C3orf33: variants seen among roughly 807,000 people sequenced by gnomAD.
C3orf33 encodes the protein AP-1 activity suppressor.
Under a neutral mutation model 28.7 loss-of-function variants are expected in C3orf33, and 23 were observed. The ratio of observed to expected loss-of-function variants is 0.80; its 90% CI spans 0.58 to 1.13. C3orf33 has a LOEUF of 1.13. Among genes scored for constraint, C3orf33 ranks in the 50% most tolerant of loss-of-function variants. C3orf33 has a pLI of 0.00. For synonymous variants in C3orf33, 119 were observed against 120.5 expected, an observed-to-expected ratio of 0.99 and a Z score of 0.08; for missense variants, 327 against 353.4, an observed-to-expected ratio of 0.93 and a Z score of 0.60.
chr3:155,805,298 A>G (rs1410335030), intron 1 of C3orf33, among the ~76,000 whole-genome samples: 1 of 150,292 alleles, frequency 6.7e-6, no homozygotes, highest in Non-Finnish European at 1.5e-5. Context: ...CCTTGCCTCT[A>G]CAAACAAAAA....
chr3:155,801,511 T>TA (rs1421501513), intron 2 of C3orf33, among the ~76,000 whole-genome samples: 4 of 152,106 alleles, frequency 2.6e-5, no homozygotes, highest in Non-Finnish European at 5.9e-5. Context: ...CAAAATGTGA[T>TA]ATACACTTAC....
intron 1 of C3orf33, among the ~76,000 whole-genome samples, chr3:155,804,594 T>G (rs1027229996): frequency 1.3e-4 from 20 of 152,228 alleles, no homozygotes; most frequent in Admixed American, 6.5e-5. Context: ...GAAAACATTT[T>G]CTTCACTTGG....
intron 3 of C3orf33, among the ~76,000 whole-genome samples, chr3:155,772,495 C>T (rs1249355653): frequency 2.0e-5 from 3 of 151,802 alleles, no homozygotes; most frequent in African/African-American, 7.3e-5. Context: ...AAAATACTAT[C>T]AGTGGATTCA....
At chr3:155,777,852 T>C (rs1257508054) in intron 2 of C3orf33, among the ~76,000 whole-genome samples, 1 of 152,112 alleles carries the variant, frequency 6.6e-6, no homozygotes, top group Non-Finnish European at 1.5e-5. Flanking sequence ...AAAAAAATTG[T>C]TTTTAAGTAG....
intron 4 of C3orf33, among the ~76,000 whole-genome samples, chr3:155,764,790 A>G (rs1175800570): frequency 6.6e-6 from 1 of 151,876 alleles, no homozygotes; most frequent in Non-Finnish European, 1.5e-5. Flanking sequence ...CAGGAGGCAG[A>G]GGTTGCAGTG....
intron 2 of C3orf33, among the ~76,000 whole-genome samples, chr3:155,795,793 T>C (rs1471202452): frequency 6.6e-6 from 1 of 151,594 alleles, no homozygotes; most frequent in Non-Finnish European, 1.5e-5. Flanking sequence ...CTGTCTCTAC[T>C]AAAAATACAA....
chr3:155,795,048 G>A (rs1751436568), intron 2 of C3orf33, among the ~76,000 whole-genome samples: 1 of 152,144 alleles, frequency 6.6e-6, no homozygotes, highest in Non-Finnish European at 1.5e-5. Context: ...AGACCAAATG[G>A]ACGTAGGATA....
At chr3:155,797,602 G>C (rs915621292) in intron 2 of C3orf33, among the ~76,000 whole-genome samples, 2 of 152,156 alleles carry the variant, frequency 1.3e-5, no homozygotes, top group Admixed American at 6.5e-5. Flanking sequence ...AATAAATTCA[G>C]TACAGTTGCA....
At position 155,763,350 on chromosome 3, in the gene C3orf33, A is replaced by T. The variant is rs1750293365; in HGVS notation, c.*167T>A. 1 of 451,534 alleles carries T rather than the reference A, an allele frequency of 2.2e-6. No homozygotes were observed. Among genetic ancestry groups the T allele is most frequent in the African/African-American group, 2.0e-5 (1 of 49,120 alleles). The allele number at this position is 451,534 out of a possible 1,614,324, so 28.0% of individuals were successfully genotyped here. On this transcript the variant is annotated 3_prime_UTR_variant, in exon 5 of 5. Coordinates refer to ENST00000340171, the MANE Select transcript of C3orf33 (RefSeq NM_001308229.2). Reference sequence around the variant, plus strand: ...ACATTAATTATAATTTGTTTAAATTAATTCTGACATTATGCTTATAATAAT... The same window carrying T: ...ACATTAATTATAATTTGTTTAAATTTATTCTGACATTATGCTTATAATAAT...
At chr3:155,771,882 G>A (rs1163067316) in intron 3 of C3orf33, among the ~76,000 whole-genome samples, 2 of 152,182 alleles carry the variant, frequency 1.3e-5, no homozygotes, top group Non-Finnish European at 2.9e-5. Flanking sequence ...TTAGGCTCCA[G>A]TGGAGTACTC....
chr3:155,770,409 CA>C (rs1187470005), intron 3 of C3orf33, among the ~76,000 whole-genome samples: 1 of 152,074 alleles, frequency 6.6e-6, no homozygotes, highest in African/African-American at 2.4e-5. Flanking sequence ...GAAGCAGAGC[CA>C]AAAAAATCCT....
chr3:155,780,287 T>C (rs1305478396), intron 2 of C3orf33, among the ~76,000 whole-genome samples: 1 of 152,100 alleles, frequency 6.6e-6, no homozygotes, highest in Non-Finnish European at 1.5e-5. Flanking sequence ...GGCAAAAAAA[T>C]AAATGCTGGA....
At chr3:155,791,904 C>T (rs551087587) in intron 2 of C3orf33, among the ~76,000 whole-genome samples, 1 of 152,114 alleles carries the variant, frequency 6.6e-6, no homozygotes, top group Non-Finnish European at 1.5e-5. Context: ...TGGGAGAAGT[C>T]ACCACCCAGA....
chr3:155,779,940 T>C (rs1349343796), intron 2 of C3orf33, among the ~76,000 whole-genome samples: 3 of 152,174 alleles, frequency 2.0e-5, no homozygotes, highest in Non-Finnish European at 4.4e-5. Context: ...AAAGATTCCA[T>C]TGCATCCATT....
At chr3:155,780,486 A>C (rs79091700) in intron 2 of C3orf33, among the ~76,000 whole-genome samples, 3,044 of 152,382 alleles carry the variant, frequency 0.02, 103 homozygotes, top group African/African-American at 0.07. Context: ...AATTATGTTT[A>C]TAAAGTGCTG....
At chr3:155,791,348 TG>T (rs1424102306) in intron 2 of C3orf33, among the ~76,000 whole-genome samples, 1 of 152,122 alleles carries the variant, frequency 6.6e-6, no homozygotes, top group Non-Finnish European at 1.5e-5. Flanking sequence ...CTGTGGGCCT[TG>T]GGTAAGATTG....
chr3:155,780,927 A>G (rs535675893), intron 2 of C3orf33, among the ~76,000 whole-genome samples: 39 of 152,304 alleles, frequency 2.6e-4, no homozygotes, highest in Non-Finnish European at 4.0e-4. Flanking sequence ...CCAAAAAACT[A>G]CATAGACTTA....
At chr3:155,787,450 C>T (rs578168134) in intron 2 of C3orf33, among the ~76,000 whole-genome samples, 1 of 149,768 alleles carries the variant, frequency 6.7e-6, no homozygotes, top group East Asian at 2.0e-4. Flanking sequence ...CTCCCGGGTT[C>T]AAGCAATTCT....
At position 155,794,496 on chromosome 3, in the gene C3orf33, GA is replaced by G. The variant is rs951771458; in HGVS notation, c.174+8035del. Among the ~76,000 whole-genome samples, 177 of 149,000 alleles carry G rather than the reference GA, an allele frequency of 1.2e-3. 2 individuals carry two copies. The East Asian group carries it at 0.019, about 16-fold the overall frequency. Reference sequence around the variant, plus strand: ...GGAAGAGAAGACCACAAAACTAACAGAAAAAAAAAATTTTTTAATGACAGGA... The same window carrying G: ...GGAAGAGAAGACCACAAAACTAACAGAAAAAAAAATTTTTTAATGACAGGA... On this transcript the variant is annotated intron_variant, in intron 2 of 4. Transcript: ENST00000340171.
Sources: allele counts gnomAD v4.1 joint callset (sites outside exome capture counted in the v4.1 genomes callset), GRCh38; gene constraint gnomAD v4.1.1; transcripts MANE v1.5; gene names NCBI Gene and HGNC (gene_info 2026-07-23, HGNC 2026-07-21).